The following PCDHA4 variants were observed in gnomAD, a reference collection of about 807,000 sequenced individuals.
PCDHA4 encodes protocadherin alpha-4.
In PCDHA4, 49 loss-of-function variants were observed where a neutral mutation model predicts 61.4. That is an observed-to-expected ratio of 0.80 (90% confidence interval 0.63 to 1.01). The LOEUF (loss-of-function observed/expected upper bound fraction) is 1.01. Among genes scored for constraint, PCDHA4 ranks in the 50% least tolerant of loss-of-function variants. The probability of loss-of-function intolerance (pLI) is 0.00; values close to 1 mark genes in which losing one functional copy is unlikely to be tolerated. For missense variants in PCDHA4, 1,254 were observed against 1,235.8 expected (o/e 1.01, Z -0.22); for synonymous variants, 590 against 550.3 (o/e 1.07, Z -1.01).
intron 3 of PCDHA4, 65 bp downstream of exon 3, chr5:140,982,628 G>T: frequency 6.3e-7 from 1 of 1,578,118 alleles, no homozygotes; most frequent in Non-Finnish European, 8.6e-7. Flanking sequence ...ACCTACTTTT[G>T]TAAGATCAGG....
At chr5:140,856,023 G>A in intron 1 of PCDHA4, 2 of 1,556,224 alleles carry the variant, frequency 1.3e-6, no homozygotes, top group Non-Finnish European at 8.7e-7. Context: ...CTGATTCGTC[G>A]ATTTGTAAAA....
intron 3 of PCDHA4, among the ~76,000 whole-genome samples, chr5:140,985,840 T>C (rs1441638586): frequency 2.0e-5 from 3 of 149,512 alleles, no homozygotes; most frequent in African/African-American, 7.4e-5. Flanking sequence ...CCCGGGTTCA[T>C]GCCACTCTCC....
At chr5:140,871,246 C>T (rs782203109) in intron 1 of PCDHA4, 2 of 1,613,982 alleles carry the variant, frequency 1.2e-6, no homozygotes, top group Non-Finnish European at 1.7e-6. Context: ...ACTCACGCTG[C>T]TGCTGTATAC....
At position 140,857,270 on chromosome 5, in the gene PCDHA4, C is replaced by T. The variant is rs782277671; in HGVS notation, c.2385+47698C>T. On this transcript the variant is annotated intron_variant, in intron 1 of 3. Coordinates refer to ENST00000530339, the MANE Select transcript of PCDHA4 (RefSeq NM_018907.4). ...CTACAAGAATTACTACTCATTGGTG[C>T]TGGACAGCGCTCTGGACCGCGAGAG... 5.0e-6 allele frequency: 8 copies of T among 1,598,754 alleles called. 2 individuals are homozygous for T. The highest frequency in any genetic ancestry group is 4.3e-6 in the Non-Finnish European group (5 of 1,168,052).
chr5:140,929,020 A>C (rs1183262810), intron 1 of PCDHA4: 6 of 1,614,070 alleles, frequency 3.7e-6, no homozygotes, highest in Non-Finnish European at 5.1e-6. Flanking sequence ...GTTGCACCAG[A>C]GCCCAGGCTG....
Position 140,822,186 on chromosome 5 carries a change from A to G in PCDHA4, c.2385+12614A>G, listed in dbSNP as rs2150114425. 8.1e-6 allele frequency: 13 copies of G among 1,614,252 alleles called. 1 individual carries two copies. The South Asian group carries it at 1.3e-4, about 16-fold the overall frequency. ...CGCCCAGGTTCTCCAGACAAGAACA[A>G]AGATTATTCATTTTAGAGTCAAGAA... On this transcript the variant is annotated intron_variant, in intron 1 of 3. Transcript: ENST00000530339.
At position 140,877,459 on chromosome 5, in the gene PCDHA4, G is replaced by A. The variant is rs782125799; in HGVS notation, c.2385+67887G>A. ...CGGTGAGCCCGCGCTGACGTCCACGGCCACGGTGCTGGTGTCGCTGGTGGA... is the reference window on the plus strand; with the variant it reads ...CGGTGAGCCCGCGCTGACGTCCACGACCACGGTGCTGGTGTCGCTGGTGGA... On this transcript the variant is annotated intron_variant, in intron 1 of 3. Coordinates refer to ENST00000530339, the MANE Select transcript of PCDHA4 (RefSeq NM_018907.4). 98 of 1,613,712 alleles carry A rather than the reference G, an allele frequency of 6.1e-5. No individual in the cohort carries two copies. The East Asian group carries it at 2.1e-3, about 35-fold the overall frequency.
Position 140,927,620 on chromosome 5 carries a change from C to T in PCDHA4, c.2386-51329C>T, listed in dbSNP as rs2153590504. 6.2e-7 allele frequency: 1 copy of T among 1,614,196 alleles called. No homozygotes were observed. ...CGCTCCGTATACCGCACCAAGGTTC[C>T]AGAGACTGCACCCAATGGGACTGTG... is the stretch of plus-strand genomic sequence containing the variant. On this transcript the variant is annotated intron_variant, in intron 1 of 3. Coordinates refer to ENST00000530339, the MANE Select transcript of PCDHA4 (RefSeq NM_018907.4).
At chr5:140,894,066 A>G (rs997633914) in intron 1 of PCDHA4, among the ~76,000 whole-genome samples, 1 of 152,204 alleles carries the variant, frequency 6.6e-6, no homozygotes, top group Admixed American at 6.5e-5. Context: ...ATTTTTAAAT[A>G]CATTTATTTT....
intron 1 of PCDHA4, among the ~76,000 whole-genome samples, chr5:140,951,019 G>A (rs555662052): frequency 2.0e-5 from 3 of 152,114 alleles, no homozygotes; most frequent in African/African-American, 7.2e-5. Context: ...ATCAGGCAGT[G>A]AGTTTTAATT....
rs2150131677 is a variant in PCDHA4 at position 140,824,025 on chromosome 5, G to A, written c.2385+14453G>A. ...GCGCGGTGGGGAGCTGGTCGTACTC[G>A]CAGCAGAGGAGACAGAGGGTGTGCT... is the stretch of plus-strand genomic sequence containing the variant. On this transcript the variant is annotated intron_variant, in intron 1 of 3. Transcript: ENST00000530339. The A allele has an allele frequency of 1.1e-5, 17 of 1,614,020 alleles. No homozygotes were observed. In the African/African-American group the frequency reaches 1.7e-4, roughly 16 times the overall value.
chr5:140,881,837 A>G (rs1554172601), intron 1 of PCDHA4, among the ~76,000 whole-genome samples: 1 of 152,238 alleles, frequency 6.6e-6, no homozygotes, highest in Admixed American at 6.5e-5. Flanking sequence ...TTCTGCATGG[A>G]ATTCTTACAC....
chr5:140,838,754 T>C lies in PCDHA4; in HGVS notation c.2385+29182T>C, dbSNP rs1775868330. Among the ~76,000 whole-genome samples, 3 of 152,010 alleles carry C rather than the reference T, an allele frequency of 2.0e-5. No individual in the cohort carries two copies. In the South Asian group the frequency reaches 6.2e-4, roughly 32 times the overall value. On this transcript the variant is annotated intron_variant, in intron 1 of 3. Transcript: ENST00000530339. ...AGTTTGAGACCAGCTTGTGCATCTT[T>C]TGTAGAGACTTTGTAAAATTAGCTA...
rs1554144146 is a variant in PCDHA4, at chr5:140,850,293, G to A, written c.2385+40721G>A. 7.5e-6 allele frequency: 12 copies of A among 1,596,282 alleles called. 1 individual carries two copies. Among genetic ancestry groups the A allele is most frequent in the Non-Finnish European group, 1.0e-5 (12 of 1,167,618 alleles). ...GGGGAAGGTGCGCGCAGTGGACGCC[G>A]ACTCGGGCTACAACGCGTGGCTTTC... On this transcript the variant is annotated intron_variant, in intron 1 of 3. Transcript: ENST00000530339.
At chr5:140,978,903 C>T in intron 1 of PCDHA4, 46 bp from the exon 2 acceptor site, 4 of 1,613,202 alleles carry the variant, frequency 2.5e-6, no homozygotes, top group Middle Eastern at 1.7e-4. Flanking sequence ...CCTGGGAGAA[C>T]ATTGTCTTGT....
At chr5:140,897,167 C>A (rs1271791310) in intron 1 of PCDHA4, among the ~76,000 whole-genome samples, 1 of 152,140 alleles carries the variant, frequency 6.6e-6, no homozygotes, top group Non-Finnish European at 1.5e-5. Flanking sequence ...TACTGTCTAT[C>A]TCCATGGGTT....
In PCDHA4 at chr5:140,946,774, T is replaced by G. The variant is rs57013515; in HGVS notation, c.2386-32175T>G. On this transcript the variant is annotated intron_variant, in intron 1 of 3. Coordinates refer to ENST00000530339, the MANE Select transcript of PCDHA4 (RefSeq NM_018907.4). ...TGCATGATCTCATTCATGTGGAATGTAAAAAAGCTGATCTTATAGAAGCAG... is the reference window on the plus strand; with the variant it reads ...TGCATGATCTCATTCATGTGGAATGGAAAAAAGCTGATCTTATAGAAGCAG... Among the ~76,000 whole-genome samples, 481 of 151,404 alleles carry G rather than the reference T, an allele frequency of 3.2e-3. 2 individuals are homozygous for G. Among genetic ancestry groups the G allele is most frequent in the African/African-American group, 0.011 (462 of 41,264 alleles).
At chr5:140,852,863 G>A (rs945338680) in intron 1 of PCDHA4, 4 of 958,208 alleles carry the variant, frequency 4.2e-6, no homozygotes, top group Non-Finnish European at 3.8e-6. Flanking sequence ...CATTTACTAT[G>A]TCATCAATAA....
At chr5:140,881,454 C>A in intron 1 of PCDHA4, 1 of 705,924 alleles carries the variant, frequency 1.4e-6, no homozygotes, top group Non-Finnish European at 1.7e-6. Context: ...AATCCAAAAC[C>A]TTAGAGCATT....
Sources: gnomAD v4.1 joint callset for allele counts (sites outside exome capture counted in the v4.1 genomes callset) on GRCh38, gnomAD v4.1.1 for gene constraint, MANE v1.5 for transcripts, NCBI Gene and HGNC (gene_info 2026-07-23, HGNC 2026-07-21) for gene names.